PSMD10: variants seen among roughly 807,000 people sequenced by gnomAD.
PSMD10 encodes the protein 26S proteasome non-ATPase regulatory subunit 10.
Under a neutral mutation model 13.2 loss-of-function variants are expected in PSMD10, and 2 were observed. The observed-to-expected ratio is 0.15, with a 90% CI of 0.06 to 0.48. The LOEUF (loss-of-function observed/expected upper bound fraction) is 0.48, where lower values mean the gene tolerates loss of function less well. Ranked by LOEUF, PSMD10 falls within the 20% of genes least tolerant of loss-of-function variation. The probability of loss-of-function intolerance (pLI) is 0.97; values close to 1 mark genes in which losing one functional copy is unlikely to be tolerated. For synonymous variants in PSMD10, 66 were observed against 64.4 expected (o/e 1.03, Z -0.12); for missense variants, 120 against 167.4 (o/e 0.72, Z 1.56).
At chrX:108,088,728 A>G (rs1379432783) in intron 2 of PSMD10, 24 bp downstream of exon 2, 1 of 1,139,318 alleles carries the variant, frequency 8.8e-7, no homozygotes, top group South Asian at 1.9e-5. Context: ...GAATTTATCA[A>G]CTCAACTTTA....
At chrX:108,089,743 G>A (rs1297641365) in intron 1 of PSMD10, among the ~76,000 whole-genome samples, 1 of 111,030 alleles carries the variant, frequency 9.0e-6, no homozygotes, top group East Asian at 2.8e-4. Flanking sequence ...TGAGGCAGGG[G>A]AATCGCTTGA....
intron 1 of PSMD10, 70 bp downstream of exon 1, chrX:108,091,337 G>T: frequency 9.9e-7 from 1 of 1,011,587 alleles, no homozygotes; most frequent in Non-Finnish European, 1.4e-6. Flanking sequence ...CTCCGCTAGG[G>T]CCGGGCCCCG....
Position 108,085,235 on chromosome X carries a change from T to C in PSMD10, c.528-108A>G, listed in dbSNP as rs1008457689. On this transcript the variant is annotated intron_variant, in intron 4 of 4. Coordinates refer to ENST00000217958, the MANE Select transcript of PSMD10 (RefSeq NM_002814.4). ...TGCATATGATTAAGAAATGGTAACA[T>C]TGGAAAGTTATTTAATCAGGAAAGA... 90 of 791,890 alleles carry C rather than the reference T, an allele frequency of 1.1e-4. No homozygotes were observed. The Middle Eastern group carries it at 1.2e-3, about 11-fold the overall frequency. The allele number at this position is 791,890 out of a possible 1,213,427, so 65.3% of individuals were successfully genotyped here.
At chrX:108,089,994 T>G (rs1971149031) in intron 1 of PSMD10, among the ~76,000 whole-genome samples, 1 of 111,738 alleles carries the variant, frequency 8.9e-6, no homozygotes, top group South Asian at 3.7e-4. Context: ...AACACAAAAA[T>G]AGAGGGAATA....
At chrX:108,091,383 C>G (rs1451468908) in intron 1 of PSMD10, 24 bp downstream of exon 1, 1 of 1,192,325 alleles carries the variant, frequency 8.4e-7, no homozygotes, top group Non-Finnish European at 1.1e-6. Flanking sequence ...TCGCCGACTG[C>G]GGAGAGACCT....
intron 4 of PSMD10, 167 bp downstream of exon 4, chrX:108,087,519 G>A: frequency 1.5e-6 from 1 of 645,539 alleles, no homozygotes; most frequent in East Asian, 3.7e-5. Context: ...ATTTCTGAGT[G>A]GCAAGATAAT....
At position 108,084,784 on chromosome X, in the gene PSMD10, C is replaced by T; in HGVS notation, c.*190G>A. On this transcript the variant is annotated 3_prime_UTR_variant, in exon 5 of 5. Transcript: ENST00000217958. ...CAGTAGAACAATCTCAACAGTTATT[C>T]GATGCCTGGAAAACAAGCTGTAAGC... 2 of 406,745 alleles carry T rather than the reference C, an allele frequency of 4.9e-6. No homozygotes were observed. The highest frequency in any genetic ancestry group is 7.3e-5 in the South Asian group (1 of 13,686). 33.5% of individuals were successfully genotyped at this position (406,745 alleles called of 1,213,427 possible). A position where few individuals can be genotyped will look rare whatever the true frequency, so the allele number is the denominator to read the frequency against.
intron 4 of PSMD10, among the ~76,000 whole-genome samples, chrX:108,086,027 C>T (rs1247214232): frequency 1.8e-5 from 2 of 111,627 alleles, no homozygotes; most frequent in Non-Finnish European, 3.8e-5. Context: ...TCTTTCTAAA[C>T]AGGGTCTCTT....
chrX:108,087,959 C>T lies in PSMD10; in HGVS notation c.354G>A (p.Arg118=). Residue 118 remains arginine (R), a synonymous_variant, in exon 3 of 5, where the codon AGG becomes AGA. Coordinates refer to ENST00000217958, the MANE Select transcript of PSMD10 (RefSeq NM_002814.4). The part of the protein sequence containing the change: ...TPLHYAASKN[R]HEIAVMLLEG... ...GCCTAGGATGGAACCATACCTCATGCCTGTTTTTCGAAGCTGCATAATGTA... is the reference window on the plus strand; with the variant it reads ...GCCTAGGATGGAACCATACCTCATGTCTGTTTTTCGAAGCTGCATAATGTA... 8.3e-7 allele frequency: 1 copy of T among 1,211,631 alleles called. No individual in the cohort carries two copies. The highest frequency in any genetic ancestry group is 1.1e-6 in the Non-Finnish European group (1 of 895,426).
rs761013497 is a variant in PSMD10 at position 108,091,531 on chromosome X, C to CAGCAACTACTTGTCGCGCG, written c.-12_-11insCGCGCGACAAGTAGTTGCT. ...CACACACCCCTCCATTTCGCTGTCC[C>CAGCAACTACTTGTCGCGCG]AGCAACTACTTGTCGCGCGAGCAAC... On this transcript the variant is annotated 5_prime_UTR_variant, in exon 1 of 5. Transcript: ENST00000217958. 2.5e-6 allele frequency: 3 copies of CAGCAACTACTTGTCGCGCG among 1,201,571 alleles called. No individual in the cohort carries two copies. The highest frequency in any genetic ancestry group is 3.4e-6 in the Non-Finnish European group (3 of 885,686).
At position 108,084,922 on chromosome X, in the gene PSMD10, G is replaced by C. The variant is rs939787387; in HGVS notation, c.*52C>G. On this transcript the variant is annotated 3_prime_UTR_variant, in exon 5 of 5. Transcript: ENST00000217958. ...TTGTGCACAAATACATTAGTTTGTAGGACACTGGGGACAACAACACAACAT... is the reference window on the plus strand; with the variant it reads ...TTGTGCACAAATACATTAGTTTGTACGACACTGGGGACAACAACACAACAT... The C allele has an allele frequency of 1.8e-6, 2 of 1,099,549 alleles. No individual in the cohort carries two copies. The highest frequency in any genetic ancestry group is 3.7e-5 in the African/African-American group (2 of 53,422). 90.6% of individuals were successfully genotyped at this position (1,099,549 alleles called of 1,213,427 possible).
At chrX:108,086,308 C>A (rs1221328642) in intron 4 of PSMD10, among the ~76,000 whole-genome samples, 1 of 111,716 alleles carries the variant, frequency 9.0e-6, no homozygotes, top group African/African-American at 3.3e-5. Context: ...ATAACACTAA[C>A]CCTCAATCAA....
intron 4 of PSMD10, among the ~76,000 whole-genome samples, chrX:108,085,800 G>A (rs1440698079): frequency 2.7e-5 from 3 of 111,691 alleles, no homozygotes; most frequent in Non-Finnish European, 5.6e-5. Context: ...TTACAGATGA[G>A]GAAATTAAGA....
intron 1 of PSMD10, among the ~76,000 whole-genome samples, chrX:108,090,395 G>A (rs1269035828): frequency 4.5e-5 from 5 of 111,997 alleles, no homozygotes; most frequent in Non-Finnish European, 9.4e-5. Flanking sequence ...TGACTTGACT[G>A]AAGAATGGTT....
In PSMD10 at chrX:108,084,813, G is replaced by T; in HGVS notation, c.*161C>A. ...GCCTGGAAAACAAGCTGTAAGCTTCGAACAAGTAACTCAGCAGGAACAAGA... is the reference window on the plus strand; with the variant it reads ...GCCTGGAAAACAAGCTGTAAGCTTCTAACAAGTAACTCAGCAGGAACAAGA... On this transcript the variant is annotated 3_prime_UTR_variant, in exon 5 of 5. Coordinates refer to ENST00000217958, the MANE Select transcript of PSMD10 (RefSeq NM_002814.4). 1 of 551,599 alleles carries T rather than the reference G, an allele frequency of 1.8e-6. No individual in the cohort carries two copies. 45.5% of individuals were successfully genotyped at this position (551,599 alleles called of 1,213,427 possible). A position where few individuals can be genotyped will look rare whatever the true frequency, so the allele number is the denominator to read the frequency against.
Position 108,091,427 on chromosome X carries a change from G to T in PSMD10, c.94C>A (p.Leu32Met). 8.3e-7 allele frequency: 1 copy of T among 1,211,986 alleles called. No homozygotes were observed. Among genetic ancestry groups the T allele is most frequent in the Non-Finnish European group, 1.1e-6 (1 of 895,190 alleles). ...LKESILADKSLATRTDQDSRT... is the reference protein window; with the variant it reads ...LKESILADKSMATRTDQDSRT... ...TTTACCTGGTCAGTTCTAGTAGCCA[G>T]GGATTTATCGGCCAGAATACTCTCC... Residue 32 changes from leucine (L) to methionine (M), a missense_variant, in exon 1 of 5, where the codon CTG becomes ATG. This residue lies in a region of PSMD10 where 32 missense variants were observed against 26.2 expected (regional missense o/e 1.22). Coordinates refer to ENST00000217958, the MANE Select transcript of PSMD10 (RefSeq NM_002814.4).
At chrX:108,085,609 G>A (rs759755760) in intron 4 of PSMD10, among the ~76,000 whole-genome samples, 13 of 112,028 alleles carry the variant, frequency 1.2e-4, no homozygotes, top group Non-Finnish European at 2.3e-4. Flanking sequence ...CAGTTGAAAT[G>A]GTGACAGAGG....
chrX:108,084,536 C>T lies in PSMD10; in HGVS notation c.*438G>A, dbSNP rs2031472641. The T allele has an allele frequency of 8.8e-6, 1 of 114,072 alleles. No homozygotes were observed. Among genetic ancestry groups the T allele is most frequent in the African/African-American group, 3.2e-5 (1 of 31,102 alleles). 9.4% of individuals were successfully genotyped at this position (114,072 alleles called of 1,213,427 possible). On this transcript the variant is annotated 3_prime_UTR_variant, in exon 5 of 5. Transcript: ENST00000217958. The stretch of plus-strand genomic sequence containing the variant: ...AAAAAACAGAAACGTTTGGCGTAGG[C>T]CTGAGTGAGCTTGAAAAACAAGTTA...
intron 1 of PSMD10, 31 bp downstream of exon 1, chrX:108,091,376 C>T (rs373314563): frequency 4.2e-6 from 5 of 1,185,897 alleles, no homozygotes; most frequent in Middle Eastern, 2.6e-4. Flanking sequence ...GCCGACGTCG[C>T]CGACTGCGGA....
Sources: allele counts gnomAD v4.1 joint callset (sites outside exome capture counted in the v4.1 genomes callset), GRCh38; gene constraint gnomAD v4.1.1; regional missense constraint gnomAD v4.1.1; transcripts MANE v1.5; gene names NCBI Gene and HGNC (gene_info 2026-07-23, HGNC 2026-07-21).